The following POLR1D variants were observed in gnomAD, a reference collection of about 807,000 sequenced individuals.
POLR1D encodes the protein DNA-directed RNA polymerases I and III subunit RPAC2.
In POLR1D, 8 loss-of-function variants were observed where a neutral mutation model predicts 10.8. That is an observed-to-expected ratio of 0.74 (90% CI 0.43 to 1.33). The LOEUF (loss-of-function observed/expected upper bound fraction) is 1.33. Ranked by LOEUF, POLR1D falls within the 40% of genes most tolerant of loss-of-function variation. The pLI is 0.01. For missense variants in POLR1D, 152 were observed against 161.7 expected, an observed-to-expected ratio of 0.94 and a Z score of 0.32; for synonymous variants, 54 against 57.2, an observed-to-expected ratio of 0.94 and a Z score of 0.25.
exon 3 of POLR1D, chr13:27,665,771 C>G: frequency 6.2e-7 from 1 of 1,613,720 alleles, no homozygotes; most frequent in Non-Finnish European, 8.5e-7. Flanking sequence ...AGAGCAAGAC[C>G]ATGAACAAAA....
rs1410152126 is a variant in POLR1D at position 27,623,363 on chromosome 13, G to A, written c.*113G>A. 1.2e-5 allele frequency: 18 copies of A among 1,547,806 alleles called. No homozygotes were observed. The highest frequency in any genetic ancestry group is 1.4e-5 in the African/African-American group (1 of 73,186). Reference sequence around the variant, plus strand: ...AGCATACTCTGTCCTTCAGAAAGGCGTGATTCTAGCTGTTGACCCCTTGCA... The same window carrying A: ...AGCATACTCTGTCCTTCAGAAAGGCATGATTCTAGCTGTTGACCCCTTGCA... On this transcript the variant is annotated 3_prime_UTR_variant, in exon 2 of 2. Coordinates refer to ENST00000302979, the MANE Select transcript of POLR1D (RefSeq NM_015972.4).
intron 2 of POLR1D, among the ~76,000 whole-genome samples, chr13:27,661,186 C>T (rs1956360877): frequency 6.6e-6 from 1 of 152,144 alleles, no homozygotes; most frequent in South Asian, 2.1e-4. Flanking sequence ...GCCTCTGAGC[C>T]CACAGGTTTC....
chr13:27,644,280 G>A (rs1436551568), intron 1 of POLR1D, among the ~76,000 whole-genome samples: 1 of 152,034 alleles, frequency 6.6e-6, no homozygotes, highest in Non-Finnish European at 1.5e-5. Flanking sequence ...CTGTACACTG[G>A]AACAGTTAAC....
At chr13:27,654,768 A>C (rs1369783486) in intron 2 of POLR1D, among the ~76,000 whole-genome samples, 2 of 152,210 alleles carry the variant, frequency 1.3e-5, no homozygotes, top group African/African-American at 4.8e-5. Flanking sequence ...GGACATTCTC[A>C]AGTAAAACTG....
At chr13:27,626,262 T>G (rs1015968727), downstream of POLR1D, among the ~76,000 whole-genome samples, 5 of 152,150 alleles carry the variant, frequency 3.3e-5, no homozygotes, top group Admixed American at 1.3e-4. Flanking sequence ...GTTTAATTAG[T>G]GGACATCAAG....
At chr13:27,660,298 T>A (rs1418846228) in intron 2 of POLR1D, among the ~76,000 whole-genome samples, 1 of 152,194 alleles carries the variant, frequency 6.6e-6, no homozygotes, top group African/African-American at 2.4e-5. Context: ...TCTTTCTAGA[T>A]GCATTATTCC....
intron 2 of POLR1D, among the ~76,000 whole-genome samples, chr13:27,649,532 G>T (rs1412510867): frequency 6.6e-6 from 1 of 151,914 alleles, no homozygotes; most frequent in Non-Finnish European, 1.5e-5. Context: ...TATATAGTAG[G>T]ATAAAACAAG....
chr13:27,639,695 C>A (rs1266867205), intron 1 of POLR1D, among the ~76,000 whole-genome samples: 1 of 152,092 alleles, frequency 6.6e-6, no homozygotes, highest in Non-Finnish European at 1.5e-5. Flanking sequence ...AGAATTAACC[C>A]ACATTTTAAC....
At position 27,632,748 on chromosome 13, in the gene POLR1D, T is replaced by A. The variant is rs183649412; in HGVS notation, c.26+10739T>A. Among the ~76,000 whole-genome samples the A allele has an allele frequency of 7.2e-5, 11 of 151,898 alleles. No individual in the cohort carries two copies. The East Asian group carries it at 2.1e-3, about 29-fold the overall frequency. On this transcript the variant is annotated intron_variant, in intron 1 of 2. Transcript: ENST00000399697. ...TTATTATATTCATTATATATTGCCT[T>A]TCCCTCTACCCCTCAAACACACACA... is the stretch of plus-strand genomic sequence containing the variant.
rs190466653 is a variant in POLR1D, at chr13:27,656,420, A to G, written c.101+7967A>G. 9.8e-5 allele frequency among the ~76,000 whole-genome samples: 15 copies of G among 152,354 alleles called. No homozygotes were observed. In the East Asian group the frequency reaches 2.7e-3, roughly 27 times the overall value. ...AGTAAGTAAACATACTAACACATTT[A>G]TTGAGTACTTAGCAGAGCTAGGCTC... On this transcript the variant is annotated intron_variant, in intron 2 of 2. Transcript: ENST00000399697.
chr13:27,641,631 G>C (rs1013545643), intron 1 of POLR1D, among the ~76,000 whole-genome samples: 1 of 152,154 alleles, frequency 6.6e-6, no homozygotes, highest in African/African-American at 2.4e-5. Context: ...AATATTTTTA[G>C]CTTATTTTAT....
At chr13:27,654,526 A>T (rs916931203) in intron 2 of POLR1D, among the ~76,000 whole-genome samples, 1 of 152,224 alleles carries the variant, frequency 6.6e-6, no homozygotes, top group Admixed American at 6.5e-5. Context: ...TATATTGGCA[A>T]TGAATACTGG....
downstream of POLR1D, among the ~76,000 whole-genome samples, chr13:27,627,660 G>C (rs1177715223): frequency 1.3e-5 from 2 of 151,360 alleles, no homozygotes; most frequent in African/African-American, 4.9e-5. Flanking sequence ...AGGAATAAAT[G>C]GTTTCCTTTT....
At chr13:27,657,582 C>G (rs906392094) in intron 2 of POLR1D, among the ~76,000 whole-genome samples, 2 of 152,116 alleles carry the variant, frequency 1.3e-5, no homozygotes, top group African/African-American at 2.4e-5. Context: ...CTGCCTCACT[C>G]TAGGGCATTC....
In POLR1D at chr13:27,622,961, A is replaced by G. The variant is rs1204708589; in HGVS notation, c.113A>G (p.His38Arg). 6.2e-7 allele frequency: 1 copy of G among 1,613,830 alleles called. No individual in the cohort carries two copies. The highest frequency in any genetic ancestry group is 8.5e-7 in the Non-Finnish European group (1 of 1,179,668). ...EMVQAAGTDR[H>R]CVTFVLHEED... ...GTCCAGGCAGCTGGAACAGATAGAC[A>G]CTGTGTGACATTTGTATTGCACGAG... The change falls in exon 2 of 2, where the codon CAC (histidine) becomes CGC (arginine). Residue 38 changes from histidine to arginine, a missense_variant. His to Arg is a conservative substitution (Grantham distance 29). Transcript: ENST00000302979.
intron 1 of POLR1D, among the ~76,000 whole-genome samples, chr13:27,646,765 A>G (rs1462399150): frequency 6.6e-6 from 1 of 152,222 alleles, no homozygotes; most frequent in East Asian, 1.9e-4. Context: ...ATAACGAGAA[A>G]CAGATGAAAA....
downstream of POLR1D, among the ~76,000 whole-genome samples, chr13:27,626,331 C>G (rs989879273): frequency 6.6e-6 from 1 of 152,204 alleles, no homozygotes; most frequent in Admixed American, 6.5e-5. Flanking sequence ...GGCGACCGCT[C>G]ACCACATCAC....
chr13:27,622,241 C>T (rs1955946387), intron 1 of POLR1D: 2 of 596,746 alleles, frequency 3.4e-6, no homozygotes, highest in South Asian at 3.9e-5. Context: ...TCCGAACTGC[C>T]CACCCCCGTT....
In POLR1D at chr13:27,622,887, A is replaced by G; in HGVS notation, c.39A>G (p.Gly13=). The change falls in exon 2 of 2, where the codon GGA becomes GGG. Residue 13 remains glycine, a synonymous_variant. Transcript: ENST00000302979. ...AATATGTGTGTAGAAAAATATCTGG[A>G]TTGAAGACCTCAATGGCTGAAGGCG... ...EDQELERKIS[G]LKTSMAEGER... 6.2e-7 allele frequency: 1 copy of G among 1,606,678 alleles called. No homozygotes were observed. The highest frequency in any genetic ancestry group is 8.5e-7 in the Non-Finnish European group (1 of 1,173,288).
Sources: allele counts gnomAD v4.1 joint callset (sites outside exome capture counted in the v4.1 genomes callset), GRCh38; gene constraint gnomAD v4.1.1; transcripts MANE v1.5; gene names NCBI Gene and HGNC (gene_info 2026-07-23, HGNC 2026-07-21).